Variants in NOX4 observed in about 807,000 individuals in gnomAD.
The protein encoded by NOX4 is NADPH oxidase 4.
A neutral mutation model predicts 87.6 loss-of-function variants in NOX4; 69 were observed. The ratio of observed to expected loss-of-function variants is 0.79; its 90% CI spans 0.65 to 0.96. The LOEUF is 0.96. Among genes scored for constraint, NOX4 ranks in the 40% least tolerant of loss-of-function variants. The pLI is 0.00. For synonymous variants in NOX4, 275 were observed against 238.2 expected (o/e 1.15, Z -1.42); for missense variants, 680 against 681.5 (o/e 1.00, Z 0.02).
chr11:89,532,920 C>T, the NOX4 span, among the ~76,000 whole-genome samples: 1 of 152,094 alleles, frequency 6.6e-6, no homozygotes, highest in African/African-American at 2.4e-5. Flanking sequence ...ATGTAAGATG[C>T]ATCTTGCTTC....
the NOX4 span, among the ~76,000 whole-genome samples, chr11:89,556,294 G>A: frequency 6.6e-6 from 1 of 152,094 alleles, no homozygotes; most frequent in Non-Finnish European, 1.5e-5. Context: ...AGCACAAGGC[G>A]AGTGGATTAC....
intron 11 of NOX4, among the ~76,000 whole-genome samples, chr11:89,378,125 C>T (rs1347977958): frequency 6.6e-6 from 1 of 152,142 alleles, no homozygotes. Context: ...CCTTTTGTGT[C>T]ACCCTGTGAA....
chr11:89,339,213 T>C (rs2135380273), intron 15 of NOX4, among the ~76,000 whole-genome samples: 1 of 152,234 alleles, frequency 6.6e-6, no homozygotes, highest in South Asian at 2.1e-4. Flanking sequence ...ACTAGATAAA[T>C]CTATACAATG....
chr11:89,568,535 T>C, the NOX4 span, among the ~76,000 whole-genome samples: 1 of 152,164 alleles, frequency 6.6e-6, no homozygotes, highest in Non-Finnish European at 1.5e-5. Flanking sequence ...AATCAGAGAT[T>C]AAGCAAACAT....
the NOX4 span, among the ~76,000 whole-genome samples, chr11:89,511,568 CAG>C: frequency 1.3e-5 from 2 of 151,944 alleles, no homozygotes; most frequent in South Asian, 4.1e-4. Context: ...TAATTGCTAA[CAG>C]AAATTCCGAT....
chr11:89,556,508 G>A, the NOX4 span, among the ~76,000 whole-genome samples: 2 of 143,594 alleles, frequency 1.4e-5, no homozygotes, highest in Non-Finnish European at 1.5e-5. Context: ...GGGTGAAAGG[G>A]TGAAACTCCA....
chr11:89,359,129 C>T (rs1938315616), intron 12 of NOX4, among the ~76,000 whole-genome samples: 1 of 152,054 alleles, frequency 6.6e-6, no homozygotes, highest in Admixed American at 6.6e-5. Flanking sequence ...GGATGACATA[C>T]TGCACACAAT....
intron 12 of NOX4, among the ~76,000 whole-genome samples, chr11:89,367,517 T>A (rs1939098624): frequency 6.6e-6 from 1 of 152,126 alleles, no homozygotes; most frequent in Non-Finnish European, 1.5e-5. Flanking sequence ...CTAACAGTGA[T>A]ATTGCTCAGT....
chr11:89,329,615 AG>A (rs1945386261), intron 17 of NOX4, among the ~76,000 whole-genome samples: 1 of 152,028 alleles, frequency 6.6e-6, no homozygotes, highest in African/African-American at 2.4e-5. Context: ...CTGGGAGAAA[AG>A]ACACATTACA....
At chr11:89,371,982 C>T (rs1939478527) in intron 12 of NOX4, among the ~76,000 whole-genome samples, 3 of 151,814 alleles carry the variant, frequency 2.0e-5, no homozygotes, top group Admixed American at 2.0e-4. Flanking sequence ...ACATTTTATA[C>T]ATACCAATAT....
intron 11 of NOX4, among the ~76,000 whole-genome samples, chr11:89,393,590 A>C (rs1158588905): frequency 1.3e-5 from 2 of 152,206 alleles, no homozygotes; most frequent in Non-Finnish European, 2.9e-5. Context: ...AATGAAAGCA[A>C]TAATCCAAGT....
chr11:89,530,509 CTT>C, the NOX4 span, among the ~76,000 whole-genome samples: 745 of 135,406 alleles, frequency 5.5e-3, 4 homozygotes, highest in African/African-American at 0.011. Flanking sequence ...CATCTGTCTA[CTT>C]TTTTTTTTTT....
chr11:89,566,725 A>G, the NOX4 span, among the ~76,000 whole-genome samples: 1 of 152,144 alleles, frequency 6.6e-6, no homozygotes, highest in East Asian at 1.9e-4. Context: ...TTAAGAGTGG[A>G]AAAAGGGAGC....
At chr11:89,519,806 T>G in the NOX4 span, among the ~76,000 whole-genome samples, 5 of 152,062 alleles carry the variant, frequency 3.3e-5, no homozygotes, top group Admixed American at 3.3e-4. Context: ...GTCTGTCTGA[T>G]TCTCTTTACA....
chr11:89,543,281 A>G, the NOX4 span, among the ~76,000 whole-genome samples: 23 of 152,346 alleles, frequency 1.5e-4, no homozygotes, highest in Non-Finnish European at 2.5e-4. Flanking sequence ...GAAGAAAGAC[A>G]TTTTATGTGA....
chr11:89,436,031 T>C (rs1453759366), intron 6 of NOX4, among the ~76,000 whole-genome samples: 1 of 152,164 alleles, frequency 6.6e-6, no homozygotes, highest in Admixed American at 6.6e-5. Flanking sequence ...GTAACTGTTA[T>C]CTGGGATATT....
At chr11:89,533,311 A>G in the NOX4 span, among the ~76,000 whole-genome samples, 2 of 152,016 alleles carry the variant, frequency 1.3e-5, no homozygotes, top group East Asian at 3.9e-4. Flanking sequence ...TCTTCCTTCC[A>G]TTTTTGTTCC....
In NOX4 at chr11:89,367,052, C is replaced by G. The variant is rs369969080; in HGVS notation, c.1135+6380G>C. Among the ~76,000 whole-genome samples the G allele has an allele frequency of 1.8e-3, 272 of 152,154 alleles. 1 individual carries two copies. The highest frequency in any genetic ancestry group is 6.0e-3 in the African/African-American group (250 of 41,520). On this transcript the variant is annotated intron_variant, in intron 12 of 17. Coordinates refer to ENST00000263317, the MANE Select transcript of NOX4 (RefSeq NM_016931.5). ...TTTCTGAGGCTGTAGAATTTATGCC[C>G]AGTTCACATTCATTGAATGATTTAT...
chr11:89,408,685 T>C (rs1415655708), intron 8 of NOX4, among the ~76,000 whole-genome samples: 1 of 152,200 alleles, frequency 6.6e-6, no homozygotes, highest in East Asian at 1.9e-4. Flanking sequence ...GCAGGAATTG[T>C]GTCTAGCTCT....
Sources: allele counts gnomAD v4.1 joint callset (sites outside exome capture counted in the v4.1 genomes callset), GRCh38; gene constraint gnomAD v4.1.1; transcripts MANE v1.5; gene names NCBI Gene and HGNC (gene_info 2026-07-23, HGNC 2026-07-21).